Variants in XK observed in about 807,000 individuals in gnomAD.
The protein encoded by XK is X-linked Kx blood group antigen, Kell and VPS13A binding protein.
XK carries 2 observed loss-of-function variants against 14.0 expected under a neutral mutation model. The ratio of observed to expected loss-of-function variants is 0.14; its 90% confidence interval spans 0.06 to 0.45. The LOEUF (loss-of-function observed/expected upper bound fraction) is 0.45, where lower values mean the gene tolerates loss of function less well. XK is among the 20% of genes least tolerant of loss of function. The probability of loss-of-function intolerance (pLI) is 0.98; values close to 1 mark genes in which losing one functional copy is unlikely to be tolerated. For missense variants in XK, 235 were observed against 341.5 expected, an observed-to-expected ratio of 0.69 and a Z score of 2.46; for synonymous variants, 149 against 147.5, an observed-to-expected ratio of 1.01 and a Z score of -0.08.
chrX:37,691,318 G>A (rs943074161), intron 1 of XK, among the ~76,000 whole-genome samples: 1 of 112,632 alleles, frequency 8.9e-6, no homozygotes, highest in Non-Finnish European at 1.9e-5. Context: ...AAAACTCTAA[G>A]CTTGATTTTA....
At chrX:37,714,454 A>C (rs187671020) in intron 2 of XK, among the ~76,000 whole-genome samples, 57 of 111,451 alleles carry the variant, frequency 5.1e-4, no homozygotes, top group African/African-American at 1.8e-3. Context: ...ATTTTCTGAG[A>C]GTGACAAACT....
intron 1 of XK, among the ~76,000 whole-genome samples, chrX:37,688,059 C>CTTTCTTTTT (rs1222917921): frequency 7.3e-5 from 4 of 54,658 alleles, no homozygotes; most frequent in Non-Finnish European, 1.3e-4. Context: ...TTCTTTCTTT[C>CTTTCTTTTT]TTTTTTTTTT....
At chrX:37,707,547 G>A (rs782394471) in intron 2 of XK, among the ~76,000 whole-genome samples, 19 of 106,113 alleles carry the variant, frequency 1.8e-4, no homozygotes, top group Admixed American at 7.8e-4. Flanking sequence ...CTGCCGGGCG[G>A]AGGGGCTCCT....
chrX:37,710,279 T>C (rs180933699), intron 2 of XK, among the ~76,000 whole-genome samples: 1 of 112,183 alleles, frequency 8.9e-6, no homozygotes, highest in East Asian at 2.8e-4. Flanking sequence ...AAAGCTCTAC[T>C]GGTGCTCTGG....
chrX:37,698,702 G>A (rs982537070), intron 2 of XK, among the ~76,000 whole-genome samples: 1 of 110,527 alleles, frequency 9.0e-6, no homozygotes, highest in Admixed American at 9.7e-5. Flanking sequence ...TGGTCTCTGA[G>A]GATAAAGTGG....
chrX:37,686,695 C>G (rs1386579547), intron 1 of XK, among the ~76,000 whole-genome samples: 1 of 110,918 alleles, frequency 9.0e-6, no homozygotes, highest in East Asian at 2.8e-4. Context: ...GTATTTAATT[C>G]TCATAGGGAA....
chrX:37,726,439 C>T (rs1927975650), intron 2 of XK, among the ~76,000 whole-genome samples: 1 of 111,450 alleles, frequency 9.0e-6, no homozygotes, highest in Admixed American at 9.5e-5. Context: ...ACTGGTGAGA[C>T]AAGAAAAAAA....
chrX:37,703,255 A>C, intron 2 of XK, among the ~76,000 whole-genome samples: 1 of 112,489 alleles, frequency 8.9e-6, no homozygotes, highest in Non-Finnish European at 1.9e-5. Flanking sequence ...TTAGCATAAT[A>C]CTGGTGAAAA....
intron 2 of XK, among the ~76,000 whole-genome samples, chrX:37,714,526 G>A (rs1452013921): frequency 9.0e-6 from 1 of 111,048 alleles, no homozygotes; most frequent in Non-Finnish European, 1.9e-5. Flanking sequence ...CTTACCTGGG[G>A]AGAAAGGGCA....
chrX:37,696,019 A>G (rs782065165), intron 2 of XK, among the ~76,000 whole-genome samples: 31 of 112,229 alleles, frequency 2.8e-4, no homozygotes, highest in Admixed American at 2.6e-3. Context: ...ATCAGATGTG[A>G]TGATAGCCTA....
chrX:37,708,099 G>T (rs1340626046), intron 2 of XK, among the ~76,000 whole-genome samples: 1 of 112,204 alleles, frequency 8.9e-6, no homozygotes, highest in African/African-American at 3.2e-5. Flanking sequence ...TCAGGCACTC[G>T]GCAGGCTGAG....
At chrX:37,709,798 A>G (rs1569474467) in intron 2 of XK, among the ~76,000 whole-genome samples, 2 of 112,175 alleles carry the variant, frequency 1.8e-5, no homozygotes, top group African/African-American at 3.2e-5. Flanking sequence ...AATCTAATAT[A>G]TTAGTACTGT....
rs1928021783 is a variant in XK at position 37,728,394 on chromosome X, C to T, written c.1267C>T (p.Pro423Ser). ...LQSSRDRDETPSSSKTSPEPG... is the reference protein window; with the variant it reads ...LQSSRDRDETSSSSKTSPEPG... The stretch of plus-strand genomic sequence containing the variant: ...GTCATCCAGAGATAGAGATGAGACA[C>T]CTTCTAGCAGTAAAACAAGTCCTGA... Residue 423 changes from proline (P) to serine (S), a missense_variant, in exon 3 of 3, where the codon CCT (proline) becomes TCT (serine). Pro to Ser is a moderately conservative substitution (Grantham distance 74). Transcript: ENST00000378616. The T allele has an allele frequency of 8.3e-7, 1 of 1,208,693 alleles. No individual in the cohort carries two copies. Among genetic ancestry groups the T allele is most frequent in the Non-Finnish European group, 1.1e-6 (1 of 895,097 alleles).
chrX:37,723,952 AT>A (rs1556449488), intron 2 of XK, among the ~76,000 whole-genome samples: 1 of 111,425 alleles, frequency 9.0e-6, no homozygotes, highest in Non-Finnish European at 1.9e-5. Flanking sequence ...CTCAGGAAAA[AT>A]AACTTAGTGC....
intron 2 of XK, among the ~76,000 whole-genome samples, chrX:37,720,918 C>T (rs1198918190): frequency 9.0e-6 from 1 of 111,518 alleles, no homozygotes; most frequent in Non-Finnish European, 1.9e-5. Context: ...CATCCATTGA[C>T]AGACACATAG....
intron 2 of XK, among the ~76,000 whole-genome samples, chrX:37,710,108 G>A (rs892024247): frequency 1.1e-4 from 12 of 112,382 alleles, no homozygotes; most frequent in African/African-American, 3.6e-4. Context: ...TGTAAACCAT[G>A]GATGCACTTA....
At chrX:37,705,552 T>C (rs1927508493) in intron 2 of XK, among the ~76,000 whole-genome samples, 1 of 110,896 alleles carries the variant, frequency 9.0e-6, no homozygotes. Flanking sequence ...TTGCCTAATA[T>C]TATGAAGGAA....
intron 1 of XK, among the ~76,000 whole-genome samples, chrX:37,693,095 C>T (rs1556441754): frequency 2.7e-5 from 3 of 111,735 alleles, no homozygotes; most frequent in African/African-American, 9.8e-5. Context: ...TCTCTTACAT[C>T]AAGCTTTATT....
At chrX:37,686,278 G>A in intron 1 of XK, 72 bp downstream of exon 1, 2 of 1,168,075 alleles carry the variant, frequency 1.7e-6, no homozygotes, top group Non-Finnish European at 2.3e-6. Context: ...CCACCTGCTC[G>A]AGTGGAGGGA....
Sources: gnomAD v4.1 joint callset for allele counts (sites outside exome capture counted in the v4.1 genomes callset) on GRCh38, gnomAD v4.1.1 for gene constraint, MANE v1.5 for transcripts, NCBI Gene and HGNC (gene_info 2026-07-23, HGNC 2026-07-21) for gene names.